The following TANC2 variants were observed in gnomAD, a reference collection of about 807,000 sequenced individuals.
TANC2 encodes protein TANC2.
In TANC2, 26 loss-of-function variants were observed where a neutral mutation model predicts 210.5. The observed-to-expected ratio is 0.12, with a 90% CI of 0.09 to 0.17. The LOEUF (loss-of-function observed/expected upper bound fraction) is 0.17, where lower values mean the gene tolerates loss of function less well. Ranked by LOEUF, TANC2 falls within the 10% of genes least tolerant of loss-of-function variation. TANC2 has a pLI of 1.00. For synonymous variants in TANC2, 931 were observed against 967.1 expected, an observed-to-expected ratio of 0.96 and a Z score of 0.69; for missense variants, 2,129 against 2,608.9, an observed-to-expected ratio of 0.82 and a Z score of 4.01.
Position 63,343,117 on chromosome 17 carries a change from A to G in TANC2, c.1807+2785A>G, listed in dbSNP as rs185630597. ...AAGCAAAATGGTAGATGTATAAGCA[A>G]TAATATCAACAATTACATTACATGT... On this transcript the variant is annotated intron_variant, in intron 12 of 27. Transcript: ENST00000689528. Among the ~76,000 whole-genome samples, 109 of 152,360 alleles carry G rather than the reference A, an allele frequency of 7.2e-4. 1 individual carries two copies. Among genetic ancestry groups the G allele is most frequent in the African/African-American group, 2.6e-3 (107 of 41,592 alleles).
At chr17:63,190,574 T>G (rs899354946) in intron 5 of TANC2, among the ~76,000 whole-genome samples, 14 of 152,174 alleles carry the variant, frequency 9.2e-5, no homozygotes, top group African/African-American at 3.4e-4. Context: ...CTGGTCAATT[T>G]CTGCAAAAAT....
intron 25 of TANC2, 132 bp from the exon 26 acceptor site, chr17:63,415,396 C>A (rs899111136): frequency 8.3e-7 from 1 of 1,202,836 alleles, no homozygotes; most frequent in Non-Finnish European, 1.1e-6. Flanking sequence ...GGCCAGAACT[C>A]CTCTCTAGGC....
chr17:63,003,305 G>T (rs951245321), intron 1 of TANC2, among the ~76,000 whole-genome samples: 2 of 152,110 alleles, frequency 1.3e-5, no homozygotes, highest in South Asian at 2.1e-4. Context: ...AAAATCGATT[G>T]TCTCTTTATT....
chr17:63,274,843 T>C (rs2043824203), intron 9 of TANC2, among the ~76,000 whole-genome samples: 1 of 152,140 alleles, frequency 6.6e-6, no homozygotes, highest in Non-Finnish European at 1.5e-5. Flanking sequence ...TTCATGTTTT[T>C]AAATTTAATC....
chr17:63,293,306 G>C (rs542761606), intron 9 of TANC2, among the ~76,000 whole-genome samples: 1 of 152,270 alleles, frequency 6.6e-6, no homozygotes, highest in South Asian at 2.1e-4. Context: ...TGTGATACCA[G>C]GTTTTGTATG....
At chr17:63,033,075 A>T (rs1318953613) in intron 2 of TANC2, among the ~76,000 whole-genome samples, 1 of 152,194 alleles carries the variant, frequency 6.6e-6, no homozygotes, top group East Asian at 1.9e-4. Context: ...ATGAAGAAGT[A>T]CATAGGATAA....
chr17:63,156,212 A>G (rs563968773), intron 5 of TANC2, among the ~76,000 whole-genome samples: 124 of 152,198 alleles, frequency 8.1e-4, no homozygotes, highest in African/African-American at 2.9e-3. Context: ...ATTCTGCTTT[A>G]TTGTAAATAC....
At chr17:63,152,288 A>G (rs1005578304) in intron 5 of TANC2, 3 of 152,202 alleles carry the variant, frequency 2.0e-5, no homozygotes, top group African/African-American at 4.8e-5. Context: ...TCTGGGGAAG[A>G]TATCAGTATC....
chr17:63,015,548 A>G (rs543156885), intron 2 of TANC2, among the ~76,000 whole-genome samples: 52 of 151,854 alleles, frequency 3.4e-4, no homozygotes, highest in African/African-American at 1.2e-3. Flanking sequence ...ATTCCCACCT[A>G]TGAGTGAGAA....
At chr17:63,299,824 T>TATTTTTGGC (rs2044654157) in intron 9 of TANC2, among the ~76,000 whole-genome samples, 1 of 152,204 alleles carries the variant, frequency 6.6e-6, no homozygotes, top group African/African-American at 2.4e-5. Flanking sequence ...TTATGGCAAT[T>TATTTTTGGC]ATTTTTGGCA....
intron 13 of TANC2, among the ~76,000 whole-genome samples, chr17:63,352,147 G>A (rs1015188743): frequency 6.6e-6 from 1 of 152,042 alleles, no homozygotes; most frequent in Admixed American, 6.6e-5. Context: ...TTGGAACAAT[G>A]TTTCTCATTC....
intron 2 of TANC2, among the ~76,000 whole-genome samples, chr17:63,011,213 T>G (rs936703536): frequency 6.6e-6 from 1 of 151,878 alleles, no homozygotes; most frequent in Non-Finnish European, 1.5e-5. Flanking sequence ...AAATATGTTT[T>G]TTTTTGTTGT....
chr17:63,426,780 CTG>C (rs1807227065), exon 28 of TANC2: 1 of 152,290 alleles, frequency 6.6e-6, no homozygotes, highest in Admixed American at 6.5e-5. Context: ...TAGACCTACT[CTG>C]TGGAACGGAA....
intron 12 of TANC2, among the ~76,000 whole-genome samples, chr17:63,350,459 A>G (rs759531338): frequency 4.6e-5 from 7 of 152,252 alleles, no homozygotes; most frequent in Non-Finnish European, 7.3e-5. Context: ...TATCAAGTGC[A>G]GAAGCCTGAA....
intron 4 of TANC2, among the ~76,000 whole-genome samples, chr17:63,115,895 A>G (rs1037989140): frequency 3.9e-5 from 6 of 152,196 alleles, no homozygotes; most frequent in African/African-American, 1.4e-4. Context: ...TAGTCCAACT[A>G]CAGTCAAGAC....
intron 2 of TANC2, among the ~76,000 whole-genome samples, chr17:63,062,089 A>G (rs2036017292): frequency 6.6e-6 from 1 of 152,034 alleles, no homozygotes; most frequent in Admixed American, 6.6e-5. Context: ...TTTTTTTAAT[A>G]AGCCTTTTTG....
intron 8 of TANC2, among the ~76,000 whole-genome samples, chr17:63,239,888 G>A (rs2042726773): frequency 6.6e-6 from 1 of 152,118 alleles, no homozygotes; most frequent in Admixed American, 6.6e-5. Context: ...GGGGGAACAA[G>A]CACCTCACAT....
chr17:63,225,704 T>C (rs1598645474), intron 7 of TANC2, among the ~76,000 whole-genome samples: 1 of 152,214 alleles, frequency 6.6e-6, no homozygotes, highest in Non-Finnish European at 1.5e-5. Flanking sequence ...CTAATCAAAT[T>C]ATCAAGTCCA....
intron 3 of TANC2, among the ~76,000 whole-genome samples, chr17:63,079,983 G>T (rs2036712026): frequency 6.6e-6 from 1 of 152,178 alleles, no homozygotes; most frequent in South Asian, 2.1e-4. Context: ...TTTAACCCCA[G>T]TATGACTGCC....
Sources: allele counts gnomAD v4.1 joint callset (sites outside exome capture counted in the v4.1 genomes callset), GRCh38; gene constraint gnomAD v4.1.1; transcripts MANE v1.5; gene names NCBI Gene and HGNC (gene_info 2026-07-23, HGNC 2026-07-21).